Variants in RNF13 observed in about 807,000 individuals in gnomAD.
RNF13 encodes E3 ubiquitin-protein ligase RNF13.
RNF13 carries 19 observed loss-of-function variants against 37.7 expected under a neutral mutation model. That is an observed-to-expected ratio of 0.50 (90% CI 0.35 to 0.74). RNF13 has a LOEUF of 0.74. RNF13 is among the 30% of genes least tolerant of loss of function. The pLI, the probability that RNF13 is intolerant of heterozygous loss-of-function variation, is 0.01. For synonymous variants in RNF13, 144 were observed against 157.8 expected (o/e 0.91, Z 0.65); for missense variants, 375 against 453.0 (o/e 0.83, Z 1.56).
intron 1 of RNF13, among the ~76,000 whole-genome samples, chr3:149,836,646 A>G (rs1055066470): frequency 6.6e-6 from 1 of 152,142 alleles, no homozygotes; most frequent in Non-Finnish European, 1.5e-5. Context: ...TCAAACGTAG[A>G]ATTACCATAT....
At chr3:149,855,546 T>A (rs1723563575) in intron 3 of RNF13, among the ~76,000 whole-genome samples, 1 of 151,162 alleles carries the variant, frequency 6.6e-6, no homozygotes, top group Non-Finnish European at 1.5e-5. Flanking sequence ...TCTTTACATT[T>A]ATATATTAAA....
At position 149,961,062 on chromosome 3, in the gene RNF13, G is replaced by A; in HGVS notation, c.1104G>A (p.Gln368=). ...INEHDVVVQL[Q]PNGERDYNIA... Reference sequence around the variant, plus strand: ...AACATGATGTCGTGGTCCAGTTGCAGCCTAATGGTGAACGGGATTACAACA... The same window carrying A: ...AACATGATGTCGTGGTCCAGTTGCAACCTAATGGTGAACGGGATTACAACA... The change falls in exon 10 of 10, where the codon CAG becomes CAA. Residue 368 remains glutamine, a synonymous_variant. Coordinates refer to ENST00000392894, the MANE Select transcript of RNF13 (RefSeq NM_183381.3). 6.2e-7 allele frequency: 1 copy of A among 1,613,684 alleles called. No homozygotes were observed. The highest frequency in any genetic ancestry group is 8.5e-7 in the Non-Finnish European group (1 of 1,179,700).
chr3:149,961,696 G>A lies in RNF13; in HGVS notation c.*592G>A, dbSNP rs1410119768. 2.4e-5 allele frequency: 4 copies of A among 170,202 alleles called. No homozygotes were observed. Among genetic ancestry groups the A allele is most frequent in the Non-Finnish European group, 3.8e-5 (3 of 79,704 alleles). The allele number at this position is 170,202 out of a possible 1,614,324, so 10.5% of individuals were successfully genotyped here. On this transcript the variant is annotated 3_prime_UTR_variant, in exon 10 of 10. Transcript: ENST00000392894. ...GCAGATTTCAACACTTTTTTTTAACGTTTTAATTACTATAGTGTTATGTAG... is the reference window on the plus strand; with the variant it reads ...GCAGATTTCAACACTTTTTTTTAACATTTTAATTACTATAGTGTTATGTAG...
chr3:149,898,284 A>G (rs1414484152), intron 5 of RNF13, among the ~76,000 whole-genome samples: 1 of 152,130 alleles, frequency 6.6e-6, no homozygotes, highest in African/African-American at 2.4e-5. Flanking sequence ...TCAAGTTGTT[A>G]ATATCTCTGG....
At chr3:149,890,406 C>T (rs1341636956) in intron 4 of RNF13, among the ~76,000 whole-genome samples, 1 of 152,132 alleles carries the variant, frequency 6.6e-6, no homozygotes, top group Non-Finnish European at 1.5e-5. Flanking sequence ...TCTCTCTCTT[C>T]TCACTTCTGA....
intron 8 of RNF13, among the ~76,000 whole-genome samples, chr3:149,948,402 T>C (rs1289274754): frequency 2.6e-5 from 4 of 152,218 alleles, no homozygotes; most frequent in Non-Finnish European, 5.9e-5. Context: ...TTGTTCATTG[T>C]TTTTTGTCTG....
At position 149,879,763 on chromosome 3, in the gene RNF13, A is replaced by G. The variant is rs111878354; in HGVS notation, c.321+7609A>G. 7.0e-3 allele frequency among the ~76,000 whole-genome samples: 1,073 copies of G among 152,348 alleles called. 4 individuals carry two copies. The highest frequency in any genetic ancestry group is 0.011 in the Non-Finnish European group (746 of 68,032). On this transcript the variant is annotated intron_variant, in intron 4 of 9. Coordinates refer to ENST00000392894, the MANE Select transcript of RNF13 (RefSeq NM_183381.3). ...TAAGTATACCATAAAGTGACTGCTCATTAAAGTTACTCATTTTTTATCTTG... is the reference window on the plus strand; with the variant it reads ...TAAGTATACCATAAAGTGACTGCTCGTTAAAGTTACTCATTTTTTATCTTG...
At chr3:149,834,127 A>T (rs1721349285) in intron 1 of RNF13, among the ~76,000 whole-genome samples, 1 of 152,232 alleles carries the variant, frequency 6.6e-6, no homozygotes, top group Admixed American at 6.5e-5. Context: ...AAATAAATGA[A>T]TAGACATTCC....
intron 4 of RNF13, among the ~76,000 whole-genome samples, chr3:149,879,209 A>G (rs114126417): frequency 0.012 from 1,831 of 152,240 alleles, 31 homozygotes; most frequent in African/African-American, 0.041. Flanking sequence ...TAATAGTAAA[A>G]TGAATTTCTG....
At chr3:149,846,681 C>T (rs1553753650) in intron 2 of RNF13, among the ~76,000 whole-genome samples, 1 of 152,168 alleles carries the variant, frequency 6.6e-6, no homozygotes, top group Non-Finnish European at 1.5e-5. Context: ...TAATGTTGCT[C>T]ATGAGGGTAT....
rs1722362664 is a variant in RNF13, at chr3:149,961,048, GT to G, written c.1091del (p.Val364GlyfsTer14). On this transcript the variant is annotated frameshift_variant, in exon 10 of 10. Coordinates refer to ENST00000392894, the MANE Select transcript of RNF13 (RefSeq NM_183381.3). LOFTEE classifies it high-confidence loss of function. ...AENEINEHDV[V>X]VQLQPNGERD... ...AAATGAAATTAATGAACATGATGTC[GT>G]GGTCCAGTTGCAGCCTAATGGTGAA... The G allele has an allele frequency of 6.2e-7, 1 of 1,613,872 alleles. No individual in the cohort carries two copies. The highest frequency in any genetic ancestry group is 1.1e-5 in the South Asian group (1 of 91,054).
intron 8 of RNF13, among the ~76,000 whole-genome samples, chr3:149,942,629 G>A (rs889553055): frequency 1.3e-5 from 2 of 151,996 alleles, no homozygotes; most frequent in African/African-American, 4.8e-5. Context: ...CAGTTTGTAT[G>A]GAATATGTCT....
intron 3 of RNF13, among the ~76,000 whole-genome samples, chr3:149,857,885 A>G (rs1397800279): frequency 6.6e-6 from 1 of 152,134 alleles, no homozygotes; most frequent in African/African-American, 2.4e-5. Flanking sequence ...ACCAAATCAC[A>G]TGTTGAAATT....
intron 8 of RNF13, among the ~76,000 whole-genome samples, chr3:149,951,163 A>G (rs927181837): frequency 1.3e-5 from 2 of 152,128 alleles, no homozygotes; most frequent in African/African-American, 2.4e-5. Flanking sequence ...GTCTCTGGCA[A>G]TTTATCACAG....
At chr3:149,901,912 A>G (rs187236259) in intron 5 of RNF13, among the ~76,000 whole-genome samples, 160 bp from the exon 6 acceptor site, 48 of 152,330 alleles carry the variant, frequency 3.2e-4, no homozygotes, top group African/African-American at 1.1e-3. Flanking sequence ...TTTCTCAACC[A>G]TTTTGATGAT....
At chr3:149,857,686 C>T (rs888565779) in intron 3 of RNF13, among the ~76,000 whole-genome samples, 10 of 152,180 alleles carry the variant, frequency 6.6e-5, no homozygotes, top group South Asian at 2.1e-4. Flanking sequence ...TACTTTCCTA[C>T]GTCCTCAAAA....
chr3:149,852,165 A>G (rs1031973862), intron 2 of RNF13, among the ~76,000 whole-genome samples: 9 of 152,196 alleles, frequency 5.9e-5, no homozygotes, highest in Non-Finnish European at 1.2e-4. Context: ...TCAGACCTTT[A>G]TAATACAGAG....
rs55981196 is a variant in RNF13 at position 149,932,016 on chromosome 3, G to GTT, written c.700+10797_700+10798dup. On this transcript the variant is annotated intron_variant, in intron 8 of 9. Transcript: ENST00000392894. ...CATCCATGTTGCTGCAAATAACAGG[G>GTT]TTTTTTTTTATGGCTGAATAGTATT... 2.6e-5 allele frequency among the ~76,000 whole-genome samples: 4 copies of GTT among 151,122 alleles called. 1 individual carries two copies. Among genetic ancestry groups the GTT allele is most frequent in the Non-Finnish European group, 5.9e-5 (4 of 67,722 alleles).
chr3:149,946,354 C>T (rs1420688632), intron 8 of RNF13, among the ~76,000 whole-genome samples: 3 of 152,272 alleles, frequency 2.0e-5, no homozygotes, highest in East Asian at 3.9e-4. Flanking sequence ...TGTTTTGATT[C>T]TTTCAAAGAG....
Sources: gnomAD v4.1 joint callset for allele counts (sites outside exome capture counted in the v4.1 genomes callset) on GRCh38, gnomAD v4.1.1 for gene constraint, MANE v1.5 for transcripts, NCBI Gene and HGNC (gene_info 2026-07-23, HGNC 2026-07-21) for gene names.